The following LOC128092252 variants were observed in gnomAD, a reference collection of about 807,000 sequenced individuals.
At chr15:50,667,973 T>C in the LOC128092252 span, among the ~76,000 whole-genome samples, 1 of 152,244 alleles carries the variant, frequency 6.6e-6, no homozygotes, top group Non-Finnish European at 1.5e-5. Context: ...TGATTCAATG[T>C]ACCTTATCAG....
At chr15:50,658,698 T>C in the LOC128092252 span, among the ~76,000 whole-genome samples, 1 of 152,140 alleles carries the variant, frequency 6.6e-6, no homozygotes, top group Non-Finnish European at 1.5e-5. Flanking sequence ...ATAAAAAACG[T>C]TGACTCTCAC....
chr15:50,683,809 ATG>A, the LOC128092252 span, among the ~76,000 whole-genome samples: 1 of 152,212 alleles, frequency 6.6e-6, no homozygotes, highest in Non-Finnish European at 1.5e-5. Flanking sequence ...TCTTAATGTA[ATG>A]CAACAGAAAG....
At chr15:50,685,700 T>C in the LOC128092252 span, among the ~76,000 whole-genome samples, 1 of 152,194 alleles carries the variant, frequency 6.6e-6, no homozygotes, top group Non-Finnish European at 1.5e-5. Context: ...CTGATGTAAA[T>C]GACTTTCTTA....
chr15:50,673,058 TAGC>T, the LOC128092252 span, among the ~76,000 whole-genome samples: 1 of 147,072 alleles, frequency 6.8e-6, no homozygotes, highest in Non-Finnish European at 1.5e-5. Flanking sequence ...TACAGTAAGC[TAGC>T]GTTAATTTAT....
the LOC128092252 span, among the ~76,000 whole-genome samples, chr15:50,659,315 A>G: frequency 2.6e-5 from 4 of 152,302 alleles, no homozygotes; most frequent in Admixed American, 6.5e-5. Context: ...TACAAAGACT[A>G]TATCTAACTT....
chr15:50,663,099 A>C, the LOC128092252 span: 4 of 1,376,944 alleles, frequency 2.9e-6, no homozygotes, highest in African/African-American at 2.9e-5. Flanking sequence ...CTAAATAAGA[A>C]GGAAACAATT....
the LOC128092252 span, among the ~76,000 whole-genome samples, chr15:50,682,173 C>CAA: frequency 9.4e-4 from 60 of 63,676 alleles, no homozygotes; most frequent in Non-Finnish European, 1.4e-3. Flanking sequence ...AACTCAGTCT[C>CAA]AAAAAAAAAA....
At chr15:50,660,978 C>CTT in the LOC128092252 span, among the ~76,000 whole-genome samples, 574 of 142,704 alleles carry the variant, frequency 4.0e-3, 5 homozygotes, top group African/African-American at 0.014. Flanking sequence ...ACTACCATTC[C>CTT]TTTTTTTTTT....
the LOC128092252 span, among the ~76,000 whole-genome samples, chr15:50,660,766 T>TTA: frequency 0.031 from 4,767 of 152,300 alleles, 103 homozygotes; most frequent in Middle Eastern, 0.1. Flanking sequence ...GGGTGATCAT[T>TTA]TATATTCCTT....
At chr15:50,659,013 G>C in the LOC128092252 span, among the ~76,000 whole-genome samples, 1 of 151,752 alleles carries the variant, frequency 6.6e-6, no homozygotes, top group South Asian at 2.1e-4. Flanking sequence ...CCTGGCTAAC[G>C]CAGTGAAACC....
At chr15:50,669,429 T>C in the LOC128092252 span, among the ~76,000 whole-genome samples, 2 of 151,906 alleles carry the variant, frequency 1.3e-5, no homozygotes, top group Non-Finnish European at 2.9e-5. Flanking sequence ...AGTGAGACTC[T>C]GTCTCAAAAA....
chr15:50,678,247 AAAAACAAAAAC>A, the LOC128092252 span, among the ~76,000 whole-genome samples: 26 of 126,444 alleles, frequency 2.1e-4, 1 homozygote, highest in African/African-American at 4.1e-4. Flanking sequence ...CTCAAAAAAA[AAAAACAAAAAC>A]AAAAACAAAA....
chr15:50,670,203 T>C, the LOC128092252 span, among the ~76,000 whole-genome samples: 1 of 152,130 alleles, frequency 6.6e-6, no homozygotes, highest in South Asian at 2.1e-4. Context: ...TTCATCCCTC[T>C]ACAACCCTTA....
the LOC128092252 span, among the ~76,000 whole-genome samples, chr15:50,652,190 G>A: frequency 3.3e-5 from 5 of 151,370 alleles, no homozygotes; most frequent in East Asian, 5.9e-4. Context: ...AAACTTCACC[G>A]GGTGTGGTGG....
chr15:50,681,576 A>G, the LOC128092252 span, among the ~76,000 whole-genome samples: 2 of 152,238 alleles, frequency 1.3e-5, no homozygotes, highest in African/African-American at 4.8e-5. Flanking sequence ...GCCAGCAGAA[A>G]GCAGAAAACT....
At chr15:50,668,423 T>C in the LOC128092252 span, among the ~76,000 whole-genome samples, 49,736 of 152,148 alleles carry the variant, frequency 0.33, 9,919 homozygotes, top group Admixed American at 0.47. Context: ...GGACAAAATT[T>C]GGAGCATATT....
chr15:50,655,857 G>A, the LOC128092252 span, among the ~76,000 whole-genome samples: 2 of 152,224 alleles, frequency 1.3e-5, no homozygotes, highest in African/African-American at 4.8e-5. Flanking sequence ...AGGCATGGTG[G>A]TGTGTGCCTG....
At chr15:50,667,860 T>C in the LOC128092252 span, among the ~76,000 whole-genome samples, 12 of 152,350 alleles carry the variant, frequency 7.9e-5, no homozygotes, top group South Asian at 2.1e-4. Context: ...ACAGGAAGCA[T>C]TGCCAAATAT....
At chr15:50,665,545 T>C in the LOC128092252 span, among the ~76,000 whole-genome samples, 4 of 152,176 alleles carry the variant, frequency 2.6e-5, no homozygotes, top group African/African-American at 9.6e-5. Flanking sequence ...TTCAACACTT[T>C]ATATAACTTG....
Sources: allele counts gnomAD v4.1 joint callset (sites outside exome capture counted in the v4.1 genomes callset), GRCh38; gene constraint gnomAD v4.1.1; transcripts MANE v1.5.